Variants in TNFAIP2 observed in about 807,000 individuals in gnomAD.
TNFAIP2 encodes the protein tumor necrosis factor alpha-induced protein 2.
TNFAIP2 carries 47 observed loss-of-function variants against 63.5 expected under a neutral mutation model. The ratio of observed to expected loss-of-function variants is 0.74; its 90% CI spans 0.59 to 0.94. The LOEUF (loss-of-function observed/expected upper bound fraction) is 0.94, where lower values mean the gene tolerates loss of function less well. Among genes scored for constraint, TNFAIP2 ranks in the 40% least tolerant of loss-of-function variants. TNFAIP2 has a pLI of 0.00. For synonymous variants in TNFAIP2, 405 were observed against 390.2 expected (o/e 1.04, Z -0.45); for missense variants, 787 against 850.2 (o/e 0.93, Z 0.92).
rs971370957 is a variant in TNFAIP2, at chr14:103,127,880, G to A, written c.860+251G>A. Among the ~76,000 whole-genome samples, 4 of 152,182 alleles carry A rather than the reference G, an allele frequency of 2.6e-5. No homozygotes were observed. Among genetic ancestry groups the A allele is most frequent in the African/African-American group, 7.2e-5 (3 of 41,428 alleles). On this transcript the variant is annotated intron_variant, in intron 3 of 11. Transcript: ENST00000560869. The surrounding 1 kb of genome is among the most constrained non-coding windows in gnomAD (Gnocchi z 5.1). ...GCTCTTGGAATCCTTAATTTCCTGGGCCTCAGTCACATTCTGCTGTTGGGG... is the reference window on the plus strand; with the variant it reads ...GCTCTTGGAATCCTTAATTTCCTGGACCTCAGTCACATTCTGCTGTTGGGG...
chr14:103,129,921 ACATG>A, intron 4 of TNFAIP2, 67 bp downstream of exon 4: 1 of 1,607,990 alleles, frequency 6.2e-7, no homozygotes, highest in Non-Finnish European at 8.5e-7. Flanking sequence ...GACAGACAGG[ACATG>A]GGCAGGGAGC....
Position 103,135,973 on chromosome 14 carries a change from C to T in TNFAIP2, c.*613C>T. 1 of 1,289,428 alleles carries T rather than the reference C, an allele frequency of 7.8e-7. No individual in the cohort carries two copies. Among genetic ancestry groups the T allele is most frequent in the South Asian group, 1.2e-5 (1 of 81,024 alleles). 79.9% of individuals were successfully genotyped at this position (1,289,428 alleles called of 1,614,324 possible). On this transcript the variant is annotated 3_prime_UTR_variant, in exon 12 of 12. Transcript: ENST00000560869. This position sits in a 1 kb window ranked among gnomAD's most constrained non-coding sequence, Gnocchi z 7.6. ...GTCACATCCAGGTGGCCCCACGGCC[C>T]CTACAGGCTGGCCCTGCAATGGGGC...
rs373002477 is a variant in TNFAIP2, at chr14:103,130,099, G to A, written c.1073G>A (p.Ser358Asn). The change falls in exon 5 of 12, where the codon AGC (serine) becomes AAC (asparagine). Residue 358 changes from serine to asparagine, a missense_variant. Coordinates refer to ENST00000560869, the MANE Select transcript of TNFAIP2 (RefSeq NM_006291.4). The part of the protein sequence containing the change: ...PPQRLDGHCH[S>N]ELAIDIIQIT... ...CAGAGGCTGGACGGCCACTGCCACA[G>A]CGAGCTGGCCATCGACATCATCCAG... is the stretch of plus-strand genomic sequence containing the variant. The A allele has an allele frequency of 6.9e-5, 111 of 1,613,290 alleles. No homozygotes were observed. The highest frequency in any genetic ancestry group is 9.1e-5 in the Non-Finnish European group (107 of 1,179,850).
At chr14:103,130,240 C>G (rs187307214) in intron 5 of TNFAIP2, 75 bp from the exon 6 acceptor site, 10 of 1,527,998 alleles carry the variant, frequency 6.5e-6, no homozygotes, top group Non-Finnish European at 2.6e-6. Context: ...CCTCTGTTCC[C>G]GCCTGTTTCC....
At chr14:103,126,229 C>T (rs1408529084) in intron 1 of TNFAIP2, 81 bp from the exon 2 acceptor site, 1 of 460,172 alleles carries the variant, frequency 2.2e-6, no homozygotes, top group Non-Finnish European at 3.9e-6. Flanking sequence ...GTACTCAATG[C>T]AGCCAGCATA....
Position 103,127,637 on chromosome 14 carries a change from G to A in TNFAIP2, c.860+8G>A. 3 of 1,467,614 alleles carry A rather than the reference G, an allele frequency of 2.0e-6. No individual in the cohort carries two copies. Among genetic ancestry groups the A allele is most frequent in the Non-Finnish European group, 2.7e-6 (3 of 1,106,940 alleles). The allele number at this position is 1,467,614 out of a possible 1,614,324, so 90.9% of individuals were successfully genotyped here. A position where few individuals can be genotyped will look rare whatever the true frequency, so the allele number is the denominator to read the frequency against. ...GCAGAACCTCTACCCCAAGTGAGCA[G>A]ACCAGGGGCTGGGCCCGGGCCGGCA... On this transcript the variant is annotated splice_region_variant and intron_variant, in intron 3 of 11. Coordinates refer to ENST00000560869, the MANE Select transcript of TNFAIP2 (RefSeq NM_006291.4). The surrounding 1 kb of genome is among the most constrained non-coding windows in gnomAD (Gnocchi z 5.1).
At chr14:103,129,977 C>T in intron 4 of TNFAIP2, 25 bp from the exon 5 acceptor site, 1 of 1,610,174 alleles carries the variant, frequency 6.2e-7, no homozygotes, top group Non-Finnish European at 8.5e-7. Context: ...GATAGTGCCC[C>T]AGTGACCTGC....
In TNFAIP2 at chr14:103,127,051, G is replaced by A. The variant is rs2087870196; in HGVS notation, c.282G>A (p.Ala94=). The A allele has an allele frequency of 3.9e-5, 45 of 1,147,910 alleles. No individual in the cohort carries two copies. Among genetic ancestry groups the A allele is most frequent in the Non-Finnish European group, 4.7e-5 (44 of 933,938 alleles). The allele number at this position is 1,147,910 out of a possible 1,614,324, so 71.1% of individuals were successfully genotyped here. A position where few individuals can be genotyped will look rare whatever the true frequency, so the allele number is the denominator to read the frequency against. The part of the protein sequence containing the change: ...AALERGQLEA[A]RPLLALEREL... ...TGGAGCGCGGGCAGCTGGAGGCGGC[G>A]CGGCCGCTGCTGGCGCTGGAGCGGG... The change falls in exon 3 of 12, where the codon GCG becomes GCA. Residue 94 remains alanine, a synonymous_variant. Coordinates refer to ENST00000560869, the MANE Select transcript of TNFAIP2 (RefSeq NM_006291.4). The surrounding 1 kb of genome is among the most constrained non-coding windows in gnomAD (Gnocchi z 5.1).
Position 103,129,792 on chromosome 14 carries a change from G to T in TNFAIP2, c.913G>T (p.Gly305Trp). The part of the protein sequence containing the change: ...LVGELQGMGL[G>W]SLLPPRQIRL... ...GGGTGAGCTGCAGGGTATGGGGCTC[G>T]GGAGCCTCCTGCCCCCCAGGCAGAT... The change falls in exon 4 of 12, where the codon GGG becomes TGG. Residue 305 changes from glycine (G) to tryptophan (W), a missense_variant. Transcript: ENST00000560869. The T allele has an allele frequency of 1.9e-6, 3 of 1,613,966 alleles. No individual in the cohort carries two copies. The highest frequency in any genetic ancestry group is 2.5e-6 in the Non-Finnish European group (3 of 1,179,948).
In TNFAIP2 at chr14:103,131,907, T is replaced by A; in HGVS notation, c.1422+145T>A. On this transcript the variant is annotated intron_variant, in intron 8 of 11. Coordinates refer to ENST00000560869, the MANE Select transcript of TNFAIP2 (RefSeq NM_006291.4). This position sits in a 1 kb window ranked among gnomAD's most constrained non-coding sequence, Gnocchi z 4.0. Reference sequence around the variant, plus strand: ...TGTGGACGGCACCGTGGGCCAGCTCTGGTGCAGCGGTGATGCCCGGTTGGG... The same window carrying A: ...TGTGGACGGCACCGTGGGCCAGCTCAGGTGCAGCGGTGATGCCCGGTTGGG... 1 of 1,223,752 alleles carries A rather than the reference T, an allele frequency of 8.2e-7. No homozygotes were observed. Among genetic ancestry groups the A allele is most frequent in the Non-Finnish European group, 1.1e-6 (1 of 903,314 alleles). The allele number at this position is 1,223,752 out of a possible 1,614,324, so 75.8% of individuals were successfully genotyped here. A position where few individuals can be genotyped will look rare whatever the true frequency, so the allele number is the denominator to read the frequency against.
upstream of TNFAIP2, among the ~76,000 whole-genome samples, chr14:103,122,372 T>C (rs760286154): frequency 1.3e-4 from 19 of 151,554 alleles, no homozygotes; most frequent in Non-Finnish European, 2.2e-4. Context: ...GGTGGCGGAG[T>C]GATCAGGGGG....
chr14:103,132,562 G>A, intron 8 of TNFAIP2, 188 bp from the exon 9 acceptor site: 3 of 819,374 alleles, frequency 3.7e-6, no homozygotes, highest in Non-Finnish European at 6.0e-6. Flanking sequence ...CACAGAGCCG[G>A]CTCCCACTTC....
chr14:103,129,488 T>G (rs2087925144), intron 3 of TNFAIP2, among the ~76,000 whole-genome samples: 1 of 127,542 alleles, frequency 7.8e-6, no homozygotes, highest in African/African-American at 3.1e-5. Context: ...GGGGGCTATT[T>G]TGGAGCAGGA....
At chr14:103,128,847 C>T (rs574432867) in intron 3 of TNFAIP2, among the ~76,000 whole-genome samples, 1 of 152,296 alleles carries the variant, frequency 6.6e-6, no homozygotes, top group African/African-American at 2.4e-5. Flanking sequence ...CCAGTGACCT[C>T]GGGGTCTGCT....
Position 103,130,061 on chromosome 14 carries a change from G to T in TNFAIP2, c.1035G>T (p.Glu345Asp), listed in dbSNP as rs1161775376. Residue 345 changes from glutamate to aspartate, a missense_variant, in exon 5 of 12, where the codon GAG (glutamate) becomes GAT (aspartate). This residue lies in a region of TNFAIP2 where 523 missense variants were observed against 604.1 expected (regional missense o/e 0.87). Transcript: ENST00000560869. ...AGCTAGAGGCACGGCGCTGGGCTGA[G>T]GATGTGCCTCCCCAGAGGCTGGACG... ...ALELEARRWA[E>D]DVPPQRLDGH... 6.2e-7 allele frequency: 1 copy of T among 1,613,290 alleles called. No individual in the cohort carries two copies. The highest frequency in any genetic ancestry group is 1.7e-5 in the Admixed American group (1 of 59,992).
At chr14:103,128,232 C>T (rs1439442209) in intron 3 of TNFAIP2, among the ~76,000 whole-genome samples, 2 of 152,172 alleles carry the variant, frequency 1.3e-5, no homozygotes, top group African/African-American at 2.4e-5. Flanking sequence ...CAGAGCTATG[C>T]GGGCACCCCC....
chr14:103,123,025 C>G (rs2139539817), upstream of TNFAIP2: 1 of 343,258 alleles, frequency 2.9e-6, no homozygotes, highest in East Asian at 7.6e-5. Context: ...CACGGTGACA[C>G]CGGAACACTT....
chr14:103,133,706 C>T lies in TNFAIP2; in HGVS notation c.1726C>T (p.Pro576Ser). 2 of 1,581,436 alleles carry T rather than the reference C, an allele frequency of 1.3e-6. No homozygotes were observed. Reference sequence around the variant, plus strand: ...GGGCTCCCCGGCGACCTGGCTGCAGCCTGCTCTCCCTACGCTGGCCGAGAT... The same window carrying T: ...GGGCTCCCCGGCGACCTGGCTGCAGTCTGCTCTCCCTACGCTGGCCGAGAT... The part of the protein sequence containing the change: ...QHGSPATWLQ[P>S]ALPTLAEIIR... Residue 576 changes from proline to serine, a missense_variant, in exon 11 of 12, where the codon CCT becomes TCT. Pro to Ser is a moderately conservative substitution (Grantham distance 74, BLOSUM62 -1). This residue lies in a region of TNFAIP2 where 523 missense variants were observed against 604.1 expected (regional missense o/e 0.87). Transcript: ENST00000560869.
Position 103,127,977 on chromosome 14 carries a change from A to G in TNFAIP2, c.860+348A>G, listed in dbSNP as rs1188906486. ...GTCTGAGGAGGGGGCAAAGCAATCA[A>G]TAACCATCCAGAGCTGGAAGGGCTG... On this transcript the variant is annotated intron_variant, in intron 3 of 11. Coordinates refer to ENST00000560869, the MANE Select transcript of TNFAIP2 (RefSeq NM_006291.4). This position sits in a 1 kb window ranked among gnomAD's most constrained non-coding sequence, Gnocchi z 5.1. Among the ~76,000 whole-genome samples the G allele has an allele frequency of 6.6e-6, 1 of 152,204 alleles. No homozygotes were observed.
Sources: gnomAD v4.1 joint callset for allele counts (sites outside exome capture counted in the v4.1 genomes callset) on GRCh38, gnomAD v4.1.1 for gene constraint, gnomAD v4.1.1 regional missense constraint, Gnocchi (gnomAD v3.1) non-coding constraint, MANE v1.5 for transcripts, NCBI Gene and HGNC (gene_info 2026-07-23, HGNC 2026-07-21) for gene names.